Variants in ASMTL observed in about 807,000 individuals in gnomAD.
ASMTL encodes probable bifunctional dTTP/UTP pyrophosphatase/methyltransferase protein.
Under a neutral mutation model 60.3 loss-of-function variants are expected in ASMTL, and 57 were observed. The observed-to-expected ratio is 0.95, with a 90% CI of 0.76 to 1.18. ASMTL has a LOEUF of 1.18. Among genes scored for constraint, ASMTL ranks in the 50% most tolerant of loss-of-function variants. The pLI, the probability that ASMTL is intolerant of heterozygous loss-of-function variation, is 0.00. For missense variants in ASMTL, 981 were observed against 852.6 expected, an observed-to-expected ratio of 1.15 and a Z score of -1.88; for synonymous variants, 419 against 373.0, an observed-to-expected ratio of 1.12 and a Z score of -1.42.
chrX:1,432,396 G>C lies in ASMTL; in HGVS notation c.401-19C>G. The C allele has an allele frequency of 6.3e-7, 1 of 1,599,966 alleles. No individual in the cohort carries two copies. Among genetic ancestry groups the C allele is most frequent in the Non-Finnish European group, 8.5e-7 (1 of 1,169,762 alleles). ...TGATGGTCTGCAAGGACACAGCCGT[G>C]GGGGTGAGCGTGGACGCCAGCTTGT... On this transcript the variant is annotated intron_variant, in intron 5 of 12. Transcript: ENST00000381317.
intron 12 of ASMTL, among the ~76,000 whole-genome samples, chrX:1,410,715 G>T (rs1304395565): frequency 7.3e-5 from 11 of 149,666 alleles, no homozygotes; most frequent in African/African-American, 2.2e-4. Flanking sequence ...CCCGGTCTCA[G>T]AAAAAACTTC....
At chrX:1,416,789 ACAG>A (rs1372527404) in intron 11 of ASMTL, among the ~76,000 whole-genome samples, 5 of 149,556 alleles carry the variant, frequency 3.3e-5, no homozygotes, top group African/African-American at 1.2e-4. Context: ...ACACACAAGC[ACAG>A]CAGTGACATG....
chrX:1,412,742 G>T lies in ASMTL; in HGVS notation c.1635C>A (p.Ser545Arg). The T allele has an allele frequency of 1.5e-5, 24 of 1,614,006 alleles. No individual in the cohort carries two copies. The highest frequency in any genetic ancestry group is 1.9e-5 in the Non-Finnish European group (23 of 1,179,862). Residue 545 changes from serine to arginine, a missense_variant, in exon 12 of 13, where the codon AGC becomes AGA. Ser to Arg is a moderately radical substitution (Grantham distance 110, BLOSUM62 -1). Coordinates refer to ENST00000381317, the MANE Select transcript of ASMTL (RefSeq NM_004192.4). ...ACGATGGGCTCTCACCTGGCTTGCA[G>T]CTCTCGGCGACCCTGCTGAGTAACT... ...VHKLLSRVAE[S>R]CKPGAGLLLV...
chrX:1,439,178 C>G (rs370529403), intron 2 of ASMTL, 34 bp from the exon 3 acceptor site: 1 of 1,612,196 alleles, frequency 6.2e-7, no homozygotes, highest in South Asian at 1.1e-5. Flanking sequence ...TTACCGGTGA[C>G]GTGCCGTGGG....
intron 4 of ASMTL, 78 bp downstream of exon 4, chrX:1,435,616 C>G (rs2090941707): frequency 4.2e-6 from 6 of 1,433,494 alleles, no homozygotes; most frequent in Non-Finnish European, 5.9e-6. Context: ...ACCCTGCTCC[C>G]CAGGACACCC....
rs2089657856 is a variant in ASMTL, at chrX:1,403,175, G to A, written c.*94C>T. On this transcript the variant is annotated 3_prime_UTR_variant, in exon 13 of 13. Transcript: ENST00000381317. Reference sequence around the variant, plus strand: ...TTTCTTTATTCAGTCACGACTACACGCTCCTATGTGACTGTCCTATGGTAC... The same window carrying A: ...TTTCTTTATTCAGTCACGACTACACACTCCTATGTGACTGTCCTATGGTAC... The A allele has an allele frequency of 1.1e-5, 11 of 1,006,982 alleles. No individual in the cohort carries two copies. Among genetic ancestry groups the A allele is most frequent in the East Asian group, 9.9e-5 (4 of 40,306 alleles). 62.4% of individuals were successfully genotyped at this position (1,006,982 alleles called of 1,614,324 possible). A position where few individuals can be genotyped will look rare whatever the true frequency, so the allele number is the denominator to read the frequency against.
intron 12 of ASMTL, among the ~76,000 whole-genome samples, chrX:1,408,166 C>A (rs112685504): frequency 0.039 from 2,822 of 72,176 alleles, 63 homozygotes; most frequent in African/African-American, 0.12. Flanking sequence ...GCAACACTGC[C>A]CTCCAGCCAA....
At chrX:1,407,077 AGATG>A (rs2089886484) in intron 12 of ASMTL, among the ~76,000 whole-genome samples, 1 of 142,162 alleles carries the variant, frequency 7.0e-6, no homozygotes, top group Admixed American at 7.0e-5. Context: ...TGCATGGATG[AGATG>A]GATGGGTGAA....
chrX:1,434,496 AAAAAAAAG>A (rs2090907646), intron 5 of ASMTL, among the ~76,000 whole-genome samples: 1 of 149,532 alleles, frequency 6.7e-6, no homozygotes, highest in African/African-American at 2.5e-5. Context: ...TCTCAAAAAA[AAAAAAAAG>A]AAAGAAAGAA....
At chrX:1,420,932 C>G (rs1352284419) in intron 9 of ASMTL, among the ~76,000 whole-genome samples, 1 of 150,966 alleles carries the variant, frequency 6.6e-6, no homozygotes, top group Non-Finnish European at 1.5e-5. Flanking sequence ...CCCAAAGTAG[C>G]TGCCTAATCA....
chrX:1,413,156 A>T, intron 11 of ASMTL: 1 of 386,366 alleles, frequency 2.6e-6, no homozygotes. Flanking sequence ...TGAGCTCAGG[A>T]GTTCGAGACC....
intron 8 of ASMTL, among the ~76,000 whole-genome samples, chrX:1,423,147 T>C (rs1202606620): frequency 6.6e-6 from 1 of 152,050 alleles, no homozygotes; most frequent in Non-Finnish European, 1.5e-5. Context: ...AGAGACGGGG[T>C]TTCACCGTGT....
upstream of ASMTL, among the ~76,000 whole-genome samples, chrX:1,453,324 A>G (rs1427122255): frequency 6.9e-6 from 1 of 144,898 alleles, no homozygotes; most frequent in Admixed American, 6.8e-5. Flanking sequence ...CCGTGAGGCC[A>G]CGCCCAGGCC....
intron 11 of ASMTL, among the ~76,000 whole-genome samples, chrX:1,416,996 GAT>G (rs2090306532): frequency 8.2e-6 from 1 of 122,176 alleles, no homozygotes; most frequent in Non-Finnish European, 1.8e-5. Flanking sequence ...ACCACACAGA[GAT>G]GTGCACACAC....
intron 12 of ASMTL, among the ~76,000 whole-genome samples, chrX:1,405,775 G>A (rs1178742908): frequency 4.0e-5 from 6 of 151,598 alleles, no homozygotes; most frequent in Admixed American, 6.6e-5. Flanking sequence ...TGGGTAGGTA[G>A]GAAGATGAAT....
chrX:1,415,829 G>C (rs2090224705), intron 11 of ASMTL, among the ~76,000 whole-genome samples: 1 of 152,134 alleles, frequency 6.6e-6, no homozygotes, highest in Non-Finnish European at 1.5e-5. Context: ...CGCACAGGCA[G>C]ACCCACGGAC....
chrX:1,406,019 G>A (rs1479377914), intron 12 of ASMTL, among the ~76,000 whole-genome samples: 3 of 151,362 alleles, frequency 2.0e-5, no homozygotes, highest in African/African-American at 4.9e-5. Flanking sequence ...TGTGATGGAT[G>A]GGTGAATAGA....
chrX:1,453,369 C>T (rs2091444193), upstream of ASMTL, among the ~76,000 whole-genome samples: 1 of 151,802 alleles, frequency 6.6e-6, no homozygotes, highest in African/African-American at 2.4e-5. Flanking sequence ...GGCACCGCCC[C>T]GGCCGCTTGG....
intron 11 of ASMTL, among the ~76,000 whole-genome samples, chrX:1,414,465 T>C (rs1268294664): frequency 7.9e-5 from 12 of 152,100 alleles, no homozygotes; most frequent in Non-Finnish European, 1.8e-4. Context: ...CCCAGCACTT[T>C]GGGAGGCCAA....
Sources: allele counts gnomAD v4.1 joint callset (sites outside exome capture counted in the v4.1 genomes callset), GRCh38; gene constraint gnomAD v4.1.1; transcripts MANE v1.5; gene names NCBI Gene and HGNC (gene_info 2026-07-23, HGNC 2026-07-21).